HHAT: variants seen among roughly 807,000 people sequenced by gnomAD.
HHAT encodes the protein protein-cysteine N-palmitoyltransferase HHAT.
Under a neutral mutation model 70.8 loss-of-function variants are expected in HHAT, and 47 were observed. The observed-to-expected ratio is 0.66, with a 90% confidence interval of 0.53 to 0.85. HHAT has a LOEUF of 0.85. Among genes scored for constraint, HHAT ranks in the 40% least tolerant of loss-of-function variants. HHAT has a pLI of 0.00. For synonymous variants in HHAT, 228 were observed against 247.6 expected, an observed-to-expected ratio of 0.92 and a Z score of 0.74; for missense variants, 609 against 604.8, an observed-to-expected ratio of 1.01 and a Z score of -0.07.
At chr1:210,412,019 T>A (rs58229787) in intron 6 of HHAT, among the ~76,000 whole-genome samples, 1,877 of 152,312 alleles carry the variant, frequency 0.012, 39 homozygotes, top group African/African-American at 0.044. Context: ...ACTGCCAGAT[T>A]TGATGTCTGG....
At chr1:210,628,773 C>A (rs1440901370) in intron 11 of HHAT, among the ~76,000 whole-genome samples, 1 of 152,186 alleles carries the variant, frequency 6.6e-6, no homozygotes, top group Non-Finnish European at 1.5e-5. Context: ...TGGTTCTGGA[C>A]AGGCATTTTA....
At chr1:210,592,612 ATTACT>A (rs1661987287) in intron 10 of HHAT, among the ~76,000 whole-genome samples, 1 of 152,082 alleles carries the variant, frequency 6.6e-6, no homozygotes, top group African/African-American at 2.4e-5. Flanking sequence ...GAATCTGTAG[ATTACT>A]TTAGGTAATA....
chr1:210,329,295 C>T (rs904836333), intron 1 of HHAT, 191 bp downstream of exon 1: 2 of 1,225,548 alleles, frequency 1.6e-6, no homozygotes, highest in Non-Finnish European at 2.0e-6. Flanking sequence ...GGGGGCCGCG[C>T]GCGCAGTGCG....
At chr1:210,460,634 A>G (rs1484226340) in intron 7 of HHAT, among the ~76,000 whole-genome samples, 1 of 152,056 alleles carries the variant, frequency 6.6e-6, no homozygotes, top group Non-Finnish European at 1.5e-5. Context: ...CATATTGCTC[A>G]GTGCCTGGCA....
intron 7 of HHAT, among the ~76,000 whole-genome samples, chr1:210,452,217 C>T (rs1364707477): frequency 6.6e-6 from 1 of 152,176 alleles, no homozygotes; most frequent in Non-Finnish European, 1.5e-5. Context: ...ATTCGCCTCT[C>T]CATTTTTCTA....
chr1:210,395,465 T>G (rs1269627813), intron 4 of HHAT, among the ~76,000 whole-genome samples: 1 of 152,200 alleles, frequency 6.6e-6, no homozygotes, highest in Admixed American at 6.5e-5. Flanking sequence ...CCAGCTCAAC[T>G]GGTTATTCTC....
chr1:210,463,232 A>T (rs867315492), intron 7 of HHAT, among the ~76,000 whole-genome samples: 1 of 151,554 alleles, frequency 6.6e-6, no homozygotes, highest in South Asian at 2.1e-4. Flanking sequence ...GACTTTTAGT[A>T]TATCTACAGA....
At chr1:210,609,927 G>A (rs1668294739) in intron 10 of HHAT, among the ~76,000 whole-genome samples, 1 of 152,182 alleles carries the variant, frequency 6.6e-6, no homozygotes, top group Non-Finnish European at 1.5e-5. Flanking sequence ...TGGGCGTTTA[G>A]ATTGACTCCA....
intron 10 of HHAT, among the ~76,000 whole-genome samples, chr1:210,611,454 A>C (rs1666568930): frequency 6.6e-6 from 1 of 151,908 alleles, no homozygotes; most frequent in African/African-American, 2.4e-5. Flanking sequence ...GTCATCTCCA[A>C]AGATAATTTG....
chr1:210,542,479 G>A (rs2095440036), intron 9 of HHAT, among the ~76,000 whole-genome samples: 1 of 139,304 alleles, frequency 7.2e-6, no homozygotes. Flanking sequence ...CCGCATCAGT[G>A]TTTTAGTTAA....
At chr1:210,451,107 A>G (rs1184781466) in intron 7 of HHAT, among the ~76,000 whole-genome samples, 1 of 150,936 alleles carries the variant, frequency 6.6e-6, no homozygotes, top group Non-Finnish European at 1.5e-5. Flanking sequence ...AAAAAAAAAA[A>G]AGTTGTTTGT....
intron 11 of HHAT, among the ~76,000 whole-genome samples, chr1:210,624,675 A>G (rs940198654): frequency 6.6e-6 from 1 of 152,220 alleles, no homozygotes; most frequent in Non-Finnish European, 1.5e-5. Context: ...AGTTGTCAAA[A>G]CATTCTATTA....
intron 1 of HHAT, among the ~76,000 whole-genome samples, chr1:210,331,444 A>G (rs1475010570): frequency 1.3e-5 from 2 of 152,188 alleles, no homozygotes; most frequent in African/African-American, 4.8e-5. Flanking sequence ...TCCAGAATGT[A>G]TGGATATTTG....
intron 10 of HHAT, among the ~76,000 whole-genome samples, chr1:210,620,282 C>T (rs906857406): frequency 3.9e-5 from 6 of 152,180 alleles, no homozygotes; most frequent in Non-Finnish European, 7.4e-5. Flanking sequence ...GAACTTACCC[C>T]GAGAGCTCCT....
intron 2 of HHAT, among the ~76,000 whole-genome samples, chr1:210,351,236 A>C (rs939339294): frequency 2.0e-5 from 3 of 152,204 alleles, no homozygotes; most frequent in Admixed American, 2.0e-4. Context: ...GCCAGAAATA[A>C]GAGTGAATTC....
At chr1:210,588,617 C>A (rs949985779) in intron 10 of HHAT, 1 of 152,872 alleles carries the variant, frequency 6.5e-6, no homozygotes, top group Non-Finnish European at 1.5e-5. Context: ...AGATTTTTTG[C>A]AACTATCAAC....
chr1:210,344,371 C>T (rs1369684182), intron 1 of HHAT, among the ~76,000 whole-genome samples: 6 of 152,042 alleles, frequency 3.9e-5, no homozygotes, highest in Admixed American at 2.0e-4. Flanking sequence ...TGCACATTCT[C>T]GCTATGTCTG....
chr1:210,450,290 C>T (rs1326848213), intron 7 of HHAT, among the ~76,000 whole-genome samples: 1 of 84,224 alleles, frequency 1.2e-5, no homozygotes, highest in Non-Finnish European at 2.6e-5. Flanking sequence ...GACTGCGTCT[C>T]AGGTGGGGGG....
chr1:210,564,516 G>A (rs1049018712), intron 9 of HHAT, among the ~76,000 whole-genome samples: 1 of 152,212 alleles, frequency 6.6e-6, no homozygotes, highest in Non-Finnish European at 1.5e-5. Context: ...TCCTGAAGTG[G>A]AATGTATGCC....
Sources: allele counts gnomAD v4.1 joint callset (sites outside exome capture counted in the v4.1 genomes callset), GRCh38; gene constraint gnomAD v4.1.1; transcripts MANE v1.5; gene names NCBI Gene and HGNC (gene_info 2026-07-23, HGNC 2026-07-21).